The following GALNT9 variants were observed in gnomAD, a reference collection of about 807,000 sequenced individuals.
GALNT9 encodes the protein GalNAc transferase 9.
A neutral mutation model predicts 63.1 loss-of-function variants in GALNT9; 47 were observed. The ratio of observed to expected loss-of-function variants is 0.75; its 90% CI spans 0.59 to 0.95. The LOEUF is 0.95. GALNT9 is among the 40% of genes least tolerant of loss of function. The probability of loss-of-function intolerance (pLI) is 0.00; values close to 1 mark genes in which losing one functional copy is unlikely to be tolerated. For missense variants in GALNT9, 829 were observed against 874.8 expected (o/e 0.95, Z 0.66); for synonymous variants, 396 against 365.7 (o/e 1.08, Z -0.94).
chr12:132,259,629 T>C (rs1178704836), intron 4 of GALNT9, among the ~76,000 whole-genome samples: 1 of 152,108 alleles, frequency 6.6e-6, no homozygotes, highest in East Asian at 1.9e-4. Flanking sequence ...CCACTGATGC[T>C]GTTATGGAAA....
At chr12:132,227,783 G>A in intron 6 of GALNT9, among the ~76,000 whole-genome samples, 1 of 152,198 alleles carries the variant, frequency 6.6e-6, no homozygotes, top group South Asian at 2.1e-4. Flanking sequence ...CAGCCCCGCT[G>A]GTTAATGGGC....
chr12:132,208,516 C>G (rs994138932), intron 6 of GALNT9, among the ~76,000 whole-genome samples: 3 of 152,256 alleles, frequency 2.0e-5, no homozygotes, highest in African/African-American at 7.2e-5. Context: ...CAAGGCCAAG[C>G]TTGGGCCTCA....
chr12:132,211,514 G>A (rs1258821590), intron 6 of GALNT9, among the ~76,000 whole-genome samples: 2 of 152,102 alleles, frequency 1.3e-5, no homozygotes, highest in Non-Finnish European at 2.9e-5. Flanking sequence ...CAAACCACAT[G>A]CAGCTGCCTT....
At chr12:132,276,379 A>G (rs2135554319) in intron 2 of GALNT9, 1 of 155,166 alleles carries the variant, frequency 6.4e-6, no homozygotes, top group Non-Finnish European at 1.5e-5. Flanking sequence ...GCCTATCTCC[A>G]CGATGGTACC....
Position 132,196,462 on chromosome 12 carries a change from C to T in GALNT9, c.*645G>A, listed in dbSNP as rs996926139. The T allele has an allele frequency of 1.1e-4, 110 of 985,428 alleles. No individual in the cohort carries two copies. Among genetic ancestry groups the T allele is most frequent in the East Asian group, 2.3e-4 (2 of 8,820 alleles). The allele number at this position is 985,428 out of a possible 1,614,324, so 61.0% of individuals were successfully genotyped here. On this transcript the variant is annotated 3_prime_UTR_variant, in exon 11 of 11. Coordinates refer to ENST00000328957, the MANE Select transcript of GALNT9 (RefSeq NM_001122636.2). ...CAGGTGCCTGGGAAAGAGGTGGGAC[C>T]GGGCCCCAACCCCCAGCTCGGCTCC...
In GALNT9 at chr12:132,245,757, C is replaced by T. The variant is rs930135224; in HGVS notation, c.1077+2153G>A. ...CACCCACGACCCAGCCTCCTGGGAC[C>T]TCCTCTCACTGCAGCTGGGTTTGGC... On this transcript the variant is annotated intron_variant, in intron 6 of 10. Transcript: ENST00000328957. The surrounding 1 kb of genome is among the most constrained non-coding windows in gnomAD (Gnocchi z 6.3). Among the ~76,000 whole-genome samples, 7 of 152,262 alleles carry T rather than the reference C, an allele frequency of 4.6e-5. No homozygotes were observed. Among genetic ancestry groups the T allele is most frequent in the Non-Finnish European group, 1.0e-4 (7 of 68,046 alleles).
chr12:132,204,776 TAAA>T (rs903280776), intron 6 of GALNT9, among the ~76,000 whole-genome samples: 1 of 151,400 alleles, frequency 6.6e-6, no homozygotes, highest in African/African-American at 2.4e-5. Context: ...TCCACCCCAT[TAAA>T]AAAAGGCCGA....
intron 6 of GALNT9, among the ~76,000 whole-genome samples, chr12:132,221,958 G>T (rs528720568): frequency 6.6e-6 from 1 of 152,122 alleles, no homozygotes; most frequent in East Asian, 1.9e-4. Flanking sequence ...AGGTTTAATC[G>T]CTAGACATGC....
At position 132,263,569 on chromosome 12, in the gene GALNT9, C is replaced by T. The variant is rs570214145; in HGVS notation, c.420-944G>A. ...AGTCCTGTCCCATGGGGTGGCCCCC[C>T]TCACCGTCCTCAAGCGCACACCCTG... On this transcript the variant is annotated intron_variant, in intron 2 of 10. Coordinates refer to ENST00000328957, the MANE Select transcript of GALNT9 (RefSeq NM_001122636.2). 3.9e-5 allele frequency among the ~76,000 whole-genome samples: 6 copies of T among 152,288 alleles called. 1 individual carries two copies. Among genetic ancestry groups the T allele is most frequent in the African/African-American group, 9.6e-5 (4 of 41,564 alleles).
intron 7 of GALNT9, 151 bp from the exon 8 acceptor site, chr12:132,201,412 G>GGC: frequency 2.0e-6 from 1 of 491,162 alleles, no homozygotes; most frequent in Non-Finnish European, 3.5e-6. Flanking sequence ...ATCCAGTTGG[G>GGC]ACCCCCCAGC....
chr12:132,230,209 AC>A (rs1235538056), intron 6 of GALNT9, among the ~76,000 whole-genome samples: 1 of 151,748 alleles, frequency 6.6e-6, no homozygotes, highest in Non-Finnish European at 1.5e-5. Context: ...GAGTCCACGC[AC>A]CCCCTGCCAT....
intron 1 of GALNT9, among the ~76,000 whole-genome samples, chr12:132,291,691 G>GCACCCAGGTCCACAC (rs1566015379): frequency 1.0e-5 from 1 of 98,664 alleles, no homozygotes; most frequent in African/African-American, 4.7e-5. Context: ...CACATCCACA[G>GCACCCAGGTCCACAC]CGCCCACATC....
intron 6 of GALNT9, among the ~76,000 whole-genome samples, chr12:132,243,490 C>G (rs1878552568): frequency 7.5e-6 from 1 of 133,254 alleles, no homozygotes; most frequent in Non-Finnish European, 1.6e-5. Flanking sequence ...GGCATCCACT[C>G]TTTGGGGAAA....
intron 3 of GALNT9, 126 bp from the exon 4 acceptor site, chr12:132,261,248 C>A: frequency 7.1e-7 from 1 of 1,405,538 alleles, no homozygotes; most frequent in Non-Finnish European, 9.5e-7. Flanking sequence ...TCTTAGGACC[C>A]ACTGAACCAC....
chr12:132,320,316 C>T (rs183555626), intron 1 of GALNT9, among the ~76,000 whole-genome samples: 13 of 152,320 alleles, frequency 8.5e-5, no homozygotes, highest in South Asian at 4.1e-4. Context: ...GATTCCGCCT[C>T]GAGGACGCGG....
chr12:132,228,788 C>G (rs1413378941), intron 6 of GALNT9, among the ~76,000 whole-genome samples: 5 of 152,122 alleles, frequency 3.3e-5, no homozygotes, highest in African/African-American at 1.2e-4. Context: ...CTTTCCTGGC[C>G]CGACTCTCAC....
intron 1 of GALNT9, among the ~76,000 whole-genome samples, chr12:132,313,124 C>T (rs1881872652): frequency 6.8e-6 from 1 of 148,022 alleles, no homozygotes; most frequent in Admixed American, 6.7e-5. Flanking sequence ...CATCCACCCA[C>T]CCATTCATCT....
In GALNT9 at chr12:132,328,853, T is replaced by G. The variant is rs1869157488; in HGVS notation, c.238+113A>C. ...CCTCTCCTCTCTCCTGTATATTCCC[T>G]CCCACAGGGGCGCAGAGGGGCGCGC... On this transcript the variant is annotated intron_variant, in intron 1 of 10. Coordinates refer to ENST00000328957, the MANE Select transcript of GALNT9 (RefSeq NM_001122636.2). 3.9e-6 allele frequency: 5 copies of G among 1,276,142 alleles called. No individual in the cohort carries two copies. The South Asian group carries it at 8.3e-5, about 21-fold the overall frequency. 79.1% of individuals were successfully genotyped at this position (1,276,142 alleles called of 1,614,324 possible).
At chr12:132,268,207 C>A (rs1260185245) in intron 2 of GALNT9, among the ~76,000 whole-genome samples, 1 of 151,452 alleles carries the variant, frequency 6.6e-6, no homozygotes, top group East Asian at 1.9e-4. Context: ...GCACTCACAC[C>A]CATACACACA....
Sources: gnomAD v4.1 joint callset for allele counts (sites outside exome capture counted in the v4.1 genomes callset) on GRCh38, gnomAD v4.1.1 for gene constraint, Gnocchi (gnomAD v3.1) non-coding constraint, MANE v1.5 for transcripts, NCBI Gene and HGNC (gene_info 2026-07-23, HGNC 2026-07-21) for gene names.